PTK2B: variants seen among roughly 807,000 people sequenced by gnomAD.
PTK2B encodes protein tyrosine kinase 2 beta, also known as protein-tyrosine kinase 2-beta.
In PTK2B, 71 loss-of-function variants were observed where a neutral mutation model predicts 142.9. That is an observed-to-expected ratio of 0.50 (90% confidence interval 0.41 to 0.61). The LOEUF is 0.61. PTK2B is among the 20% of genes least tolerant of loss of function. The pLI, the probability that PTK2B is intolerant of heterozygous loss-of-function variation, is 0.00. For synonymous variants in PTK2B, 519 were observed against 503.4 expected, an observed-to-expected ratio of 1.03 and a Z score of -0.42; for missense variants, 1,105 against 1,320.4, an observed-to-expected ratio of 0.84 and a Z score of 2.53.
At chr8:27,320,980 C>CTTTTTTTTTT (rs776395346), upstream of PTK2B, among the ~76,000 whole-genome samples, 6,276 of 39,376 alleles carry the variant, frequency 0.16, 2,333 homozygotes, top group Middle Eastern at 0.38. Context: ...ATACAAAAGG[C>CTTTTTTTTTT]TTTTTTTTTT....
At chr8:27,353,342 G>A (rs765635338) in intron 1 of PTK2B, among the ~76,000 whole-genome samples, 2 of 152,144 alleles carry the variant, frequency 1.3e-5, no homozygotes, top group Non-Finnish European at 2.9e-5. Flanking sequence ...CTTTGGGATG[G>A]CACTCCTTGT....
rs749255419 is a variant in PTK2B, at chr8:27,383,852, A to ATTTTTTTTTTTTTTTTTTT, written c.-37-13683_-37-13682insTTTTTTTTTTTTTTTTTTT. Among the ~76,000 whole-genome samples the ATTTTTTTTTTTTTTTTTTT allele has an allele frequency of 2.1e-4, 25 of 116,584 alleles. 3 individuals are homozygous for ATTTTTTTTTTTTTTTTTTT. Among genetic ancestry groups the ATTTTTTTTTTTTTTTTTTT allele is most frequent in the Admixed American group, 2.7e-4 (3 of 11,042 alleles). 76.5% of individuals were successfully genotyped at this position (116,584 alleles called of 152,430 possible). A position where few individuals can be genotyped will look rare whatever the true frequency, so the allele number is the denominator to read the frequency against. On this transcript the variant is annotated intron_variant, in intron 1 of 30. Transcript: ENST00000346049. ...AGGTGTGCACCACCACACCTGGCTA[A>ATTTTTTTTTTTTTTTTTTT]TTTTTTTTTTTTTGAGACAGAGTTT...
At chr8:27,406,117 C>T (rs1246298616) in intron 2 of PTK2B, among the ~76,000 whole-genome samples, 1 of 152,176 alleles carries the variant, frequency 6.6e-6, no homozygotes, top group Non-Finnish European at 1.5e-5. Context: ...TCTAGGCATT[C>T]GCAGCTTATG....
At position 27,316,099 on chromosome 8, in the gene PTK2B, ATCT is replaced by A. The variant is rs574512127; in HGVS notation, c.-414+2816_-414+2818del. 2.0e-5 allele frequency among the ~76,000 whole-genome samples: 3 copies of A among 152,272 alleles called. No homozygotes were observed. The South Asian group carries it at 6.2e-4, about 32-fold the overall frequency. On this transcript the variant is annotated intron_variant, in intron 3 of 35. Transcript: ENST00000397501. ...GTTCAAGTCCTATGTATACTAGCTA[ATCT>A]TCTGCAAGAGCTTACTCAAAAGTTC...
intron 20 of PTK2B, among the ~76,000 whole-genome samples, chr8:27,439,615 C>T (rs1413619463): frequency 6.6e-6 from 1 of 152,058 alleles, no homozygotes; most frequent in Non-Finnish European, 1.5e-5. Flanking sequence ...TGTGCAGGCT[C>T]ATCTTCCTGG....
intron 1 of PTK2B, among the ~76,000 whole-genome samples, chr8:27,376,776 AG>A (rs1563232102): frequency 6.6e-6 from 1 of 152,222 alleles, no homozygotes; most frequent in African/African-American, 2.4e-5. Context: ...TGGTCTAAAA[AG>A]GGGAGGCATG....
rs1421713826 is a variant in PTK2B at position 27,371,875 on chromosome 8, A to G, written c.-37-25673A>G. ...CAGAATCTATTTTAAAGAAGAGTTC[A>G]CTTCCTGATTTCAGGAGTAATCTAC... is the stretch of plus-strand genomic sequence containing the variant. On this transcript the variant is annotated intron_variant, in intron 1 of 30. Coordinates refer to ENST00000346049, the MANE Select transcript of PTK2B (RefSeq NM_173176.3). Among the ~76,000 whole-genome samples the G allele has an allele frequency of 2.0e-5, 3 of 152,310 alleles. No homozygotes were observed. In the East Asian group the frequency reaches 5.8e-4, roughly 29 times the overall value.
At chr8:27,361,112 C>T (rs1458112591) in intron 1 of PTK2B, among the ~76,000 whole-genome samples, 2 of 152,320 alleles carry the variant, frequency 1.3e-5, no homozygotes, top group Admixed American at 1.3e-4. Flanking sequence ...CTATCCCTCA[C>T]CCCCTTCCCA....
intron 1 of PTK2B, among the ~76,000 whole-genome samples, chr8:27,381,081 C>T (rs1806988790): frequency 6.6e-6 from 1 of 152,006 alleles, no homozygotes; most frequent in South Asian, 2.1e-4. Flanking sequence ...AATAACTGTA[C>T]ATATTTATGG....
At chr8:27,404,135 G>T (rs1808558799) in intron 2 of PTK2B, among the ~76,000 whole-genome samples, 1 of 152,084 alleles carries the variant, frequency 6.6e-6, no homozygotes, top group Non-Finnish European at 1.5e-5. Flanking sequence ...ACACAATAAT[G>T]ACATGGTCAC....
Position 27,439,179 on chromosome 8 carries a change from A to C in PTK2B, c.1744+48A>C, listed in dbSNP as rs771726797. On this transcript the variant is annotated intron_variant, in intron 19 of 30. Coordinates refer to ENST00000346049, the MANE Select transcript of PTK2B (RefSeq NM_173176.3). The stretch of plus-strand genomic sequence containing the variant: ...GCATTGGCCTTGGAGGGGTCGCTGA[A>C]GCCAAAAATTCCAGAAGAAGGAAGT... 9 of 1,586,688 alleles carry C rather than the reference A, an allele frequency of 5.7e-6. No homozygotes were observed. The East Asian group carries it at 6.7e-5, about 12-fold the overall frequency.
chr8:27,422,041 G>C (rs1809787541), intron 4 of PTK2B, among the ~76,000 whole-genome samples: 1 of 151,924 alleles, frequency 6.6e-6, no homozygotes, highest in South Asian at 2.1e-4. Flanking sequence ...ATGGGGGGCA[G>C]GGGAGGGGAA....
chr8:27,391,791 G>A (rs143675007), intron 1 of PTK2B, among the ~76,000 whole-genome samples: 1 of 152,352 alleles, frequency 6.6e-6, no homozygotes, highest in East Asian at 1.9e-4. Context: ...TGGCCAAGAA[G>A]TTCTTACAGA....
At chr8:27,325,541 A>T (rs1053891364), upstream of PTK2B, 4 of 152,548 alleles carry the variant, frequency 2.6e-5, no homozygotes, top group African/African-American at 9.6e-5. Context: ...GGGAGAATCT[A>T]ACCTGTCAGC....
At chr8:27,429,208 C>G (rs1810262929) in intron 5 of PTK2B, among the ~76,000 whole-genome samples, 1 of 152,196 alleles carries the variant, frequency 6.6e-6, no homozygotes, top group South Asian at 2.1e-4. Flanking sequence ...TTCGGCCTAA[C>G]CTTCCTATTT....
intron 21 of PTK2B, among the ~76,000 whole-genome samples, chr8:27,440,650 C>T (rs1236376055): frequency 6.6e-6 from 1 of 152,218 alleles, no homozygotes; most frequent in Non-Finnish European, 1.5e-5. Context: ...TCTGTCAACA[C>T]AGAGCACAGA....
intron 1 of PTK2B, among the ~76,000 whole-genome samples, chr8:27,337,089 G>T (rs958503062): frequency 6.6e-6 from 1 of 151,794 alleles, no homozygotes; most frequent in Admixed American, 6.6e-5. Flanking sequence ...TTTTAAAAAT[G>T]TGCAATTCAA....
chr8:27,441,607 T>C (rs1287948535), intron 21 of PTK2B, among the ~76,000 whole-genome samples: 1 of 152,188 alleles, frequency 6.6e-6, no homozygotes, highest in Non-Finnish European at 1.5e-5. Context: ...GCATGTTTTC[T>C]GTGGGGCAGG....
chr8:27,385,399 G>A (rs1303400737), intron 1 of PTK2B, among the ~76,000 whole-genome samples: 1 of 152,188 alleles, frequency 6.6e-6, no homozygotes, highest in Non-Finnish European at 1.5e-5. Flanking sequence ...CAGAGTTGGC[G>A]ATAACTTTCT....
Sources: allele counts gnomAD v4.1 joint callset (sites outside exome capture counted in the v4.1 genomes callset), GRCh38; gene constraint gnomAD v4.1.1; transcripts MANE v1.5; gene names NCBI Gene and HGNC (gene_info 2026-07-23, HGNC 2026-07-21).